LRMDA: variants seen among roughly 807,000 people sequenced by gnomAD.
LRMDA encodes leucine-rich melanocyte differentiation-associated protein.
LRMDA carries 18 observed loss-of-function variants against 29.8 expected under a neutral mutation model. The observed-to-expected ratio is 0.60, with a 90% CI of 0.42 to 0.90. The LOEUF (loss-of-function observed/expected upper bound fraction) is 0.90, where lower values mean the gene tolerates loss of function less well. Among genes scored for constraint, LRMDA ranks in the 40% least tolerant of loss-of-function variants. The pLI is 0.00. For synonymous variants in LRMDA, 125 were observed against 109.4 expected (o/e 1.14, Z -0.89); for missense variants, 273 against 273.9 (o/e 1.00, Z 0.02).
chr10:75,663,403 G>A (rs544982630), intron 2 of LRMDA, among the ~76,000 whole-genome samples: 1 of 152,174 alleles, frequency 6.6e-6, no homozygotes, highest in South Asian at 2.1e-4. Flanking sequence ...TCTGAGGTGG[G>A]AGCCTGGGAA....
intron 2 of LRMDA, among the ~76,000 whole-genome samples, chr10:75,512,841 AG>A (rs1485833537): frequency 1.3e-5 from 2 of 152,182 alleles, no homozygotes; most frequent in Non-Finnish European, 2.9e-5. Flanking sequence ...TGTGGACATG[AG>A]GGTTTGCAGA....
At chr10:75,797,094 C>T (rs1843666308) in intron 2 of LRMDA, among the ~76,000 whole-genome samples, 1 of 151,868 alleles carries the variant, frequency 6.6e-6, no homozygotes. Flanking sequence ...ACCCTTTGGG[C>T]CTGTCAGTTT....
At chr10:75,684,368 T>C (rs1056200696) in intron 2 of LRMDA, among the ~76,000 whole-genome samples, 2 of 152,132 alleles carry the variant, frequency 1.3e-5, no homozygotes, top group Admixed American at 1.3e-4. Flanking sequence ...CCCCTTCTTT[T>C]CCCAATAACA....
intron 2 of LRMDA, among the ~76,000 whole-genome samples, chr10:75,836,613 C>T (rs1000223778): frequency 6.6e-5 from 10 of 152,146 alleles, no homozygotes; most frequent in African/African-American, 1.9e-4. Context: ...ATCTTCTATT[C>T]AGCACACAAA....
chr10:75,908,510 A>AT (rs1019916027), intron 2 of LRMDA, among the ~76,000 whole-genome samples: 3 of 152,316 alleles, frequency 2.0e-5, no homozygotes, highest in Middle Eastern at 3.4e-3. Flanking sequence ...ATACTTGTGC[A>AT]TTTTTTGGGA....
chr10:75,786,585 G>T (rs761250540), intron 2 of LRMDA, among the ~76,000 whole-genome samples: 2 of 151,896 alleles, frequency 1.3e-5, no homozygotes, highest in African/African-American at 4.8e-5. Context: ...TGATTCAAAT[G>T]GTATCTATTC....
intron 6 of LRMDA, among the ~76,000 whole-genome samples, chr10:76,468,936 A>G (rs184093056): frequency 6.3e-4 from 96 of 152,282 alleles, no homozygotes; most frequent in African/African-American, 2.3e-3. Flanking sequence ...ATCCATTTCT[A>G]GAAAGGCAAA....
chr10:76,425,223 A>G (rs940574991), intron 6 of LRMDA, among the ~76,000 whole-genome samples: 14 of 152,232 alleles, frequency 9.2e-5, no homozygotes, highest in African/African-American at 3.4e-4. Context: ...TCAGAAAAAA[A>G]GGTCTAGATC....
chr10:76,324,267 T>TG, intron 5 of LRMDA, 134 bp from the exon 6 acceptor site: 1 of 812,940 alleles, frequency 1.2e-6, no homozygotes, highest in South Asian at 1.6e-5. Flanking sequence ...AAACAGCTCT[T>TG]GCTTCCTAAG....
intron 5 of LRMDA, among the ~76,000 whole-genome samples, chr10:76,177,062 C>T (rs1029186279): frequency 1.3e-5 from 2 of 152,158 alleles, no homozygotes; most frequent in African/African-American, 4.8e-5. Context: ...TTTTATTGCA[C>T]TCTGGGAGGC....
intron 3 of LRMDA, among the ~76,000 whole-genome samples, chr10:76,039,324 G>T (rs962160128): frequency 6.6e-6 from 1 of 152,138 alleles, no homozygotes; most frequent in Admixed American, 6.5e-5. Flanking sequence ...GTAACTATTG[G>T]CCTCCTAAAA....
intron 2 of LRMDA, among the ~76,000 whole-genome samples, chr10:75,927,129 A>C (rs1315049533): frequency 1.3e-5 from 2 of 152,242 alleles, no homozygotes; most frequent in South Asian, 2.1e-4. Flanking sequence ...TCAGTGCCTC[A>C]GCTCAGGGGT....
chr10:76,138,209 C>G (rs1850132743), intron 5 of LRMDA, among the ~76,000 whole-genome samples: 1 of 152,058 alleles, frequency 6.6e-6, no homozygotes, highest in Non-Finnish European at 1.5e-5. Context: ...CTTTTTCCCC[C>G]CAGTGTACCC....
intron 2 of LRMDA, among the ~76,000 whole-genome samples, chr10:75,637,267 G>T (rs1841400548): frequency 6.6e-6 from 1 of 152,206 alleles, no homozygotes; most frequent in Non-Finnish European, 1.5e-5. Context: ...ATTGGTCCAG[G>T]TCTGTGCCTT....
chr10:76,150,873 A>G (rs988811233), intron 5 of LRMDA, among the ~76,000 whole-genome samples: 1 of 152,218 alleles, frequency 6.6e-6, no homozygotes, highest in African/African-American at 2.4e-5. Context: ...CAAATGCTGC[A>G]TCCACTGAGA....
intron 2 of LRMDA, among the ~76,000 whole-genome samples, chr10:75,949,531 G>A (rs989381207): frequency 5.3e-5 from 8 of 152,178 alleles, no homozygotes; most frequent in Admixed American, 4.6e-4. Flanking sequence ...GTTGGGGGAA[G>A]GCCATGGGGT....
intron 2 of LRMDA, among the ~76,000 whole-genome samples, chr10:75,812,116 T>A (rs1331590807): frequency 6.9e-6 from 1 of 145,464 alleles, no homozygotes; most frequent in Non-Finnish European, 1.5e-5. Context: ...TGATTTTTTT[T>A]TTTTTTTTTT....
intron 6 of LRMDA, among the ~76,000 whole-genome samples, chr10:76,536,688 G>T (rs925139711): frequency 6.6e-6 from 1 of 152,140 alleles, no homozygotes; most frequent in Admixed American, 6.6e-5. Context: ...ACTGCATCAT[G>T]TTATGAGGCA....
chr10:75,834,503 T>G (rs1844400079), intron 2 of LRMDA, among the ~76,000 whole-genome samples: 1 of 152,226 alleles, frequency 6.6e-6, no homozygotes, highest in Non-Finnish European at 1.5e-5. Context: ...AATCATCAAG[T>G]CCTGGCTCCT....
Sources: gnomAD v4.1 joint callset for allele counts (sites outside exome capture counted in the v4.1 genomes callset) on GRCh38, gnomAD v4.1.1 for gene constraint, MANE v1.5 for transcripts, NCBI Gene and HGNC (gene_info 2026-07-23, HGNC 2026-07-21) for gene names.